CCNT2: variants seen among roughly 807,000 people sequenced by gnomAD.
The protein encoded by CCNT2 is cyclin T2, also known as cyclin-T2.
In CCNT2, 18 loss-of-function variants were observed where a neutral mutation model predicts 70.0. The observed-to-expected ratio is 0.26, with a 90% CI of 0.18 to 0.38. CCNT2 has a LOEUF of 0.38. Among genes scored for constraint, CCNT2 ranks in the 10% least tolerant of loss-of-function variants. CCNT2 has a pLI of 1.00. For missense variants in CCNT2, 734 were observed against 890.2 expected (o/e 0.82, Z 2.23); for synonymous variants, 334 against 313.3 (o/e 1.07, Z -0.70).
intron 2 of CCNT2, among the ~76,000 whole-genome samples, chr2:134,923,547 A>C (rs970752162): frequency 6.6e-6 from 1 of 152,238 alleles, no homozygotes; most frequent in South Asian, 2.1e-4. Flanking sequence ...CTTTCTGCAT[A>C]GCGCAAGTTT....
chr2:134,945,145 A>G (rs1350596595), intron 5 of CCNT2: 32 of 985,306 alleles, frequency 3.2e-5, no homozygotes, highest in African/African-American at 2.3e-4. Context: ...CTAAACCCCA[A>G]TCCCTTTTGT....
In CCNT2 at chr2:134,953,798, T is replaced by C; in HGVS notation, c.1343T>C (p.Leu448Pro). 1.2e-6 allele frequency: 2 copies of C among 1,613,878 alleles called. No individual in the cohort carries two copies. Among genetic ancestry groups the C allele is most frequent in the African/African-American group, 2.7e-5 (2 of 75,024 alleles). ...KYREKRKLET[L>P]DLDVRDHYIA... is the part of the protein sequence containing the mutation. ...AGAGAAAAGCGTAAACTAGAAACTC[T>C]TGATCTCGATGTAAGGGATCATTAT... Residue 448 changes from leucine to proline, a missense_variant, in exon 9 of 9, where the codon CTT becomes CCT. Around this residue, in one of 3 missense-constraint regions of CCNT2, gnomAD observed 532 missense variants for 556.9 expected, o/e 0.96. Transcript: ENST00000264157.
chr2:134,944,356 A>T (rs1453460215), intron 5 of CCNT2: 1 of 960,510 alleles, frequency 1.0e-6, no homozygotes, highest in Non-Finnish European at 1.2e-6. Flanking sequence ...TGAAGGAAGT[A>T]CTAGTATATG....
chr2:134,928,665 T>C (rs1280048761), intron 2 of CCNT2, among the ~76,000 whole-genome samples: 2 of 152,056 alleles, frequency 1.3e-5, no homozygotes, highest in Admixed American at 6.6e-5. Context: ...CACACTATAG[T>C]AATTCCTTCC....
intron 2 of CCNT2, among the ~76,000 whole-genome samples, chr2:134,936,320 G>T (rs1005326889): frequency 2.6e-5 from 4 of 151,842 alleles, no homozygotes; most frequent in African/African-American, 9.7e-5. Context: ...TGTGCAAAAC[G>T]AGTAAAACAG....
chr2:134,945,000 AC>A, intron 5 of CCNT2: 1 of 985,360 alleles, frequency 1.0e-6, no homozygotes, highest in South Asian at 4.7e-5. Context: ...GTATTATGCT[AC>A]TTTGCTGCAG....
intron 2 of CCNT2, among the ~76,000 whole-genome samples, chr2:134,935,125 C>G (rs1386731065): frequency 1.3e-5 from 2 of 152,206 alleles, no homozygotes; most frequent in African/African-American, 4.8e-5. Flanking sequence ...ATAAAGAACT[C>G]TGTTCTGTGT....
Position 134,953,625 on chromosome 2 carries a change from T to G in CCNT2, c.1170T>G (p.His390Gln). The G allele has an allele frequency of 1.2e-6, 2 of 1,614,110 alleles. No individual in the cohort carries two copies. Among genetic ancestry groups the G allele is most frequent in the Non-Finnish European group, 1.7e-6 (2 of 1,179,956 alleles). The change falls in exon 9 of 9, where the codon CAT (histidine) becomes CAG (glutamine). Residue 390 changes from histidine to glutamine, a missense_variant. This residue lies in a region of CCNT2 where 532 missense variants were observed against 556.9 expected (regional missense o/e 0.96). Coordinates refer to ENST00000264157, the MANE Select transcript of CCNT2 (RefSeq NM_058241.3). ...NFQQGPSISLHSGLHHRPDKI... is the reference protein window; with the variant it reads ...NFQQGPSISLQSGLHHRPDKI... ...AGCAGGGACCTTCTATATCACTGCA[T>G]TCAGGATTACATCACAGACCTGACA...
intron 7 of CCNT2, among the ~76,000 whole-genome samples, chr2:134,949,186 A>C (rs137970087): frequency 0.01 from 1,542 of 152,066 alleles, 65 homozygotes; most frequent in East Asian, 0.089. Context: ...ACGCCCAGCT[A>C]AGTTTTGTAT....
intron 5 of CCNT2, chr2:134,945,408 T>TTAA (rs1681880269): frequency 1.0e-6 from 1 of 985,420 alleles, no homozygotes. Flanking sequence ...TTTCAGTGTC[T>TTAA]TAAGCTAATT....
intron 2 of CCNT2, among the ~76,000 whole-genome samples, chr2:134,922,852 A>G (rs1461117949): frequency 2.0e-5 from 3 of 152,088 alleles, no homozygotes; most frequent in Non-Finnish European, 4.4e-5. Flanking sequence ...ACCCTTTTCT[A>G]AGTATTTTTG....
chr2:134,939,788 C>T (rs1206988994), intron 4 of CCNT2, among the ~76,000 whole-genome samples: 1 of 152,052 alleles, frequency 6.6e-6, no homozygotes, highest in Non-Finnish European at 1.5e-5. Flanking sequence ...TTTAATGTGA[C>T]ATAGTAATTA....
intron 1 of CCNT2, among the ~76,000 whole-genome samples, chr2:134,919,517 C>A (rs1679705332): frequency 6.6e-6 from 1 of 152,010 alleles, no homozygotes; most frequent in African/African-American, 2.4e-5. Flanking sequence ...TGTGCGCGCG[C>A]GTTTCAACTG....
At chr2:134,942,143 C>T in intron 4 of CCNT2, among the ~76,000 whole-genome samples, 1 of 150,942 alleles carries the variant, frequency 6.6e-6, no homozygotes, top group African/African-American at 2.4e-5. Context: ...TATAAGGTAA[C>T]TGGTTGAAAC....
chr2:134,922,241 A>G (rs1221823654), intron 2 of CCNT2, among the ~76,000 whole-genome samples: 4 of 152,256 alleles, frequency 2.6e-5, no homozygotes, highest in Non-Finnish European at 5.9e-5. Context: ...AACCCTATGA[A>G]ATAACAAGCT....
At chr2:134,938,715 T>C (rs1681346764) in intron 3 of CCNT2, among the ~76,000 whole-genome samples, 2 of 152,246 alleles carry the variant, frequency 1.3e-5, no homozygotes, top group Admixed American at 1.3e-4. Context: ...CCTAGGTTGT[T>C]TCACTTTACA....
chr2:134,922,295 A>C (rs72974390), intron 2 of CCNT2, among the ~76,000 whole-genome samples: 273 of 152,378 alleles, frequency 1.8e-3, no homozygotes, highest in African/African-American at 6.4e-3. Context: ...CTAGTCTTAT[A>C]GTAAATATTA....
intron 7 of CCNT2, among the ~76,000 whole-genome samples, chr2:134,950,671 T>C (rs1025323551): frequency 1.3e-4 from 20 of 152,154 alleles, no homozygotes; most frequent in African/African-American, 4.8e-4. Context: ...TTATCTGAAT[T>C]GTAGAGTGAA....
intron 4 of CCNT2, among the ~76,000 whole-genome samples, chr2:134,940,365 GAT>G (rs1483928489): frequency 1.8e-4 from 18 of 102,182 alleles, no homozygotes; most frequent in African/African-American, 6.3e-4. Context: ...GAAAAAATTG[GAT>G]ATGTCATGAA....
Sources: allele counts gnomAD v4.1 joint callset (sites outside exome capture counted in the v4.1 genomes callset), GRCh38; gene constraint gnomAD v4.1.1; regional missense constraint gnomAD v4.1.1; transcripts MANE v1.5; gene names NCBI Gene and HGNC (gene_info 2026-07-23, HGNC 2026-07-21).